The following ZFP69 variants were observed in gnomAD, a reference collection of about 807,000 sequenced individuals.
The protein encoded by ZFP69 is zinc finger protein 69 homolog.
A neutral mutation model predicts 48.9 loss-of-function variants in ZFP69; 35 were observed. That is an observed-to-expected ratio of 0.72 (90% CI 0.55 to 0.95). ZFP69 has a LOEUF of 0.95. ZFP69 is among the 40% of genes least tolerant of loss of function. The pLI is 0.00. For synonymous variants in ZFP69, 193 were observed against 216.8 expected (o/e 0.89, Z 0.96); for missense variants, 557 against 638.4 (o/e 0.87, Z 1.37).
chr1:40,477,508 G>A lies in ZFP69; in HGVS notation c.-713G>A, dbSNP rs1645400559. On this transcript the variant is annotated 5_prime_UTR_variant, in exon 1 of 6. Coordinates refer to ENST00000372706, the MANE Select transcript of ZFP69 (RefSeq NM_001320179.2). The surrounding 1 kb of genome is among the most constrained non-coding windows in gnomAD (Gnocchi z 4.0). ...CAGCCCCGTGTTAAAGCGGCAGCCA[G>A]GGAGGTGTATCCTCCCCGGGGTCTG... 1 of 152,230 alleles carries A rather than the reference G, an allele frequency of 6.6e-6. No homozygotes were observed. The allele number at this position is 152,230 out of a possible 1,614,324, so 9.4% of individuals were successfully genotyped here.
chr1:40,496,078 A>G lies in ZFP69; in HGVS notation c.*19A>G. The G allele has an allele frequency of 6.5e-7, 1 of 1,538,436 alleles. No individual in the cohort carries two copies. The highest frequency in any genetic ancestry group is 1.3e-5 in the South Asian group (1 of 77,998). On this transcript the variant is annotated 3_prime_UTR_variant, in exon 6 of 6. Coordinates refer to ENST00000372706, the MANE Select transcript of ZFP69 (RefSeq NM_001320179.2). ...GGTGTAAAAACAGATATTTGACTTG[A>G]GAACAAAAGCCAAGTGTAAATTGGT...
At chr1:40,483,778 T>C (rs1166571518) in intron 3 of ZFP69, among the ~76,000 whole-genome samples, 2 of 152,080 alleles carry the variant, frequency 1.3e-5, no homozygotes, top group African/African-American at 2.4e-5. Context: ...GACACTGAGA[T>C]TGTAAAAAGC....
At position 40,495,106 on chromosome 1, in the gene ZFP69, A is replaced by G; in HGVS notation, c.628A>G (p.Arg210Gly). 6.2e-7 allele frequency: 1 copy of G among 1,614,098 alleles called. No homozygotes were observed. Among genetic ancestry groups the G allele is most frequent in the Non-Finnish European group, 8.5e-7 (1 of 1,180,020 alleles). ...CCAGGAAACTTGTATGAGAGATGTGAGACAAGCCATCTTGACCCATAAGAA... is the reference window on the plus strand; with the variant it reads ...CCAGGAAACTTGTATGAGAGATGTGGGACAAGCCATCTTGACCCATAAGAA... ...RHQETCMRDV[R>G]QAILTHKKRV... is the part of the protein sequence containing the mutation. The change falls in exon 6 of 6, where the codon AGA (arginine) becomes GGA (glycine). Residue 210 changes from arginine (R) to glycine (G), a missense_variant. Arg to Gly is a moderately radical substitution (Grantham distance 125). Coordinates refer to ENST00000372706, the MANE Select transcript of ZFP69 (RefSeq NM_001320179.2).
At chr1:40,480,673 C>G (rs1299638768) in intron 2 of ZFP69, among the ~76,000 whole-genome samples, 4 of 151,654 alleles carry the variant, frequency 2.6e-5, no homozygotes. Flanking sequence ...CACTTCAAAA[C>G]TGGTAAGGTC....
At position 40,479,420 on chromosome 1, in the gene ZFP69, A is replaced by G. The variant is rs1341480605; in HGVS notation, c.59A>G (p.Gln20Arg). 5 of 1,614,186 alleles carry G rather than the reference A, an allele frequency of 3.1e-6. No homozygotes were observed. The highest frequency in any genetic ancestry group is 3.3e-5 in the Admixed American group (2 of 60,022). The change falls in exon 2 of 6, where the codon CAA becomes CGA. Residue 20 changes from glutamine (Q) to arginine (R), a missense_variant. Coordinates refer to ENST00000372706, the MANE Select transcript of ZFP69 (RefSeq NM_001320179.2). ...PTEASTWVKLQHPKKAVEGAP... is the reference protein window; with the variant it reads ...PTEASTWVKLRHPKKAVEGAP... ...GAGGCCAGCACCTGGGTGAAGCTGC[A>G]ACATCCAAAGAAGGCCGTGGAGGGG... is the stretch of plus-strand genomic sequence containing the variant.
At position 40,494,987 on chromosome 1, in the gene ZFP69, A is replaced by G; in HGVS notation, c.509A>G (p.Tyr170Cys). 1 of 1,613,948 alleles carries G rather than the reference A, an allele frequency of 6.2e-7. No individual in the cohort carries two copies. The highest frequency in any genetic ancestry group is 8.5e-7 in the Non-Finnish European group (1 of 1,179,968). ...AGTACCATTTCACAGGAGCGCTTAT[A>G]TCATGGCATTATGATGGAAAGTTTC... ...AKSTISQERL[Y>C]HGIMMESFMR... The change falls in exon 6 of 6, where the codon TAT (tyrosine) becomes TGT (cysteine). Residue 170 changes from tyrosine to cysteine, a missense_variant. Tyr to Cys is a radical substitution (Grantham distance 194). Coordinates refer to ENST00000372706, the MANE Select transcript of ZFP69 (RefSeq NM_001320179.2).
chr1:40,489,866 C>CTTT (rs374820239), intron 5 of ZFP69, among the ~76,000 whole-genome samples: 22 of 115,428 alleles, frequency 1.9e-4, no homozygotes, highest in Non-Finnish European at 2.4e-4. Context: ...TTTTCTTTTT[C>CTTT]TTTTTTTTTT....
rs76877113 is a variant in ZFP69 at position 40,488,736 on chromosome 1, C to A, written c.220-352C>A. On this transcript the variant is annotated intron_variant, in intron 3 of 5. Transcript: ENST00000372706. ...AATTTATGTCTCCGGTCAAACATCA[C>A]CCTTTTAGAGAGTCTTCCCCAACCA... Among the ~76,000 whole-genome samples the A allele has an allele frequency of 2.4e-3, 372 of 152,298 alleles. 2 individuals carry two copies. The highest frequency in any genetic ancestry group is 8.3e-3 in the African/African-American group (346 of 41,570).
chr1:40,478,122 TCACACACA>T (rs5773698), intron 1 of ZFP69, among the ~76,000 whole-genome samples: 6 of 147,254 alleles, frequency 4.1e-5, no homozygotes, highest in Admixed American at 6.8e-5. Context: ...CTGCATATAG[TCACACACA>T]CACACACACA....
At chr1:40,488,758 A>G (rs1173065702) in intron 3 of ZFP69, among the ~76,000 whole-genome samples, 5 of 152,064 alleles carry the variant, frequency 3.3e-5, no homozygotes, top group Non-Finnish European at 7.4e-5. Flanking sequence ...GTCTTCCCCA[A>G]CCACTTTACA....
intron 2 of ZFP69, 92 bp from the exon 3 acceptor site, chr1:40,481,671 G>T: frequency 2.1e-6 from 2 of 960,598 alleles, no homozygotes; most frequent in Non-Finnish European, 3.1e-6. Context: ...AACCTTTTTG[G>T]GGGAGGAGCC....
intron 3 of ZFP69, among the ~76,000 whole-genome samples, chr1:40,484,244 G>A (rs1288459144): frequency 1.3e-5 from 2 of 152,010 alleles, no homozygotes; most frequent in East Asian, 3.9e-4. Flanking sequence ...CTGTCACCCA[G>A]GCTGGACTGC....
chr1:40,485,612 A>C (rs569507340), intron 3 of ZFP69, among the ~76,000 whole-genome samples: 41 of 152,170 alleles, frequency 2.7e-4, no homozygotes, highest in African/African-American at 8.7e-4. Context: ...TCTATCTTGC[A>C]TCATTTCCCT....
intron 3 of ZFP69, among the ~76,000 whole-genome samples, chr1:40,486,899 A>T (rs1204563077): frequency 1.4e-5 from 2 of 147,924 alleles, no homozygotes; most frequent in East Asian, 2.0e-4. Context: ...TGTCTTTTTC[A>T]CTTGTAGAAT....
At position 40,496,221 on chromosome 1, in the gene ZFP69, C is replaced by A; in HGVS notation, c.*162C>A. 1.7e-6 allele frequency: 1 copy of A among 595,446 alleles called. No individual in the cohort carries two copies. The highest frequency in any genetic ancestry group is 2.7e-6 in the Non-Finnish European group (1 of 373,082). 36.9% of individuals were successfully genotyped at this position (595,446 alleles called of 1,614,324 possible). On this transcript the variant is annotated 3_prime_UTR_variant, in exon 6 of 6. Coordinates refer to ENST00000372706, the MANE Select transcript of ZFP69 (RefSeq NM_001320179.2). ...CATTGACAGGTATTGACTACTAACA[C>A]CTCTAAAAAGTACTTAAGATTAAAA...
In ZFP69 at chr1:40,494,559, C is replaced by T. The variant is rs1055424556; in HGVS notation, c.443-362C>T. ...CTGGGATTACAGGCGTGAGCCACCG[C>T]GCCCGGCCCAAATATTTATATGATA... On this transcript the variant is annotated intron_variant, in intron 5 of 5. Coordinates refer to ENST00000372706, the MANE Select transcript of ZFP69 (RefSeq NM_001320179.2). Among the ~76,000 whole-genome samples, 39 of 146,630 alleles carry T rather than the reference C, an allele frequency of 2.7e-4. 1 individual carries two copies. Among genetic ancestry groups the T allele is most frequent in the South Asian group, 1.7e-3 (8 of 4,738 alleles).
Position 40,495,962 on chromosome 1 carries a change from AC to A in ZFP69, c.1485del (p.Tyr495Ter). ...AGACATCACACTGGAGAAAAACCTT[AC>A]GAATGTAACGAATGTGGAAAAGCCT... ...HQRHHTGEKP[Y>X]ECNECGKAFS... is the part of the protein sequence containing the mutation. On this transcript the variant is annotated frameshift_variant, in exon 6 of 6. Transcript: ENST00000372706. LOFTEE classifies it high-confidence loss of function. 6.2e-7 allele frequency: 1 copy of A among 1,614,172 alleles called. No individual in the cohort carries two copies. The highest frequency in any genetic ancestry group is 1.3e-5 in the African/African-American group (1 of 75,058).
chr1:40,483,226 A>ATTTTTT (rs56706952), intron 3 of ZFP69, among the ~76,000 whole-genome samples: 9 of 116,960 alleles, frequency 7.7e-5, no homozygotes, highest in East Asian at 5.8e-4. Context: ...ACCTTTTTTA[A>ATTTTTT]TTTTTTTTTT....
At position 40,485,804 on chromosome 1, in the gene ZFP69, G is replaced by A. The variant is rs12118816; in HGVS notation, c.220-3284G>A. The stretch of plus-strand genomic sequence containing the variant: ...TTTAAAAATGTTCCATTATCTTTTA[G>A]ATTGTATTATCTGTGATGAGAAGGC... On this transcript the variant is annotated intron_variant, in intron 3 of 5. Transcript: ENST00000372706. 5.7e-3 allele frequency among the ~76,000 whole-genome samples: 872 copies of A among 152,232 alleles called. 7 individuals carry two copies. Among genetic ancestry groups the A allele is most frequent in the South Asian group, 9.5e-3 (46 of 4,818 alleles).
Sources: allele counts gnomAD v4.1 joint callset (sites outside exome capture counted in the v4.1 genomes callset), GRCh38; gene constraint gnomAD v4.1.1; non-coding constraint Gnocchi (gnomAD v3.1); transcripts MANE v1.5; gene names NCBI Gene and HGNC (gene_info 2026-07-23, HGNC 2026-07-21).